Variants in PDE4D observed in about 807,000 individuals in gnomAD.
PDE4D encodes 3',5'-cyclic-AMP phosphodiesterase 4D.
A neutral mutation model predicts 87.4 loss-of-function variants in PDE4D; 24 were observed. The observed-to-expected ratio is 0.27, with a 90% confidence interval of 0.20 to 0.39. PDE4D has a LOEUF of 0.39. Ranked by LOEUF, PDE4D falls within the 10% of genes least tolerant of loss-of-function variation. The pLI, the probability that PDE4D is intolerant of heterozygous loss-of-function variation, is 1.00. For missense variants in PDE4D, 714 were observed against 1,041.0 expected (o/e 0.69, Z 4.32); for synonymous variants, 384 against 383.2 (o/e 1.00, Z -0.02).
At chr5:59,550,005 G>A (rs1285441544) in intron 1 of PDE4D, among the ~76,000 whole-genome samples, 1 of 151,494 alleles carries the variant, frequency 6.6e-6, no homozygotes, top group Non-Finnish European at 1.5e-5. Context: ...TGTCACAGAG[G>A]TCTCTTTGCT....
chr5:59,441,147 TG>T (rs1316489175), intron 1 of PDE4D, among the ~76,000 whole-genome samples: 1 of 152,180 alleles, frequency 6.6e-6, no homozygotes, highest in Admixed American at 6.5e-5. Flanking sequence ...CAGGCAGAAG[TG>T]CAGTAGTGTG....
chr5:59,930,013 T>C (rs1755716890), intron 3 of PDE4D, among the ~76,000 whole-genome samples: 1 of 152,050 alleles, frequency 6.6e-6, no homozygotes, highest in Non-Finnish European at 1.5e-5. Flanking sequence ...TACCTGTTAG[T>C]GGATTAAAAA....
chr5:60,407,540 G>A (rs190051266), intron 1 of PDE4D, among the ~76,000 whole-genome samples: 3 of 123,074 alleles, frequency 2.4e-5, no homozygotes, highest in African/African-American at 9.5e-5. Flanking sequence ...TGCAACCTTC[G>A]CCTCCCAGGT....
intron 1 of PDE4D, among the ~76,000 whole-genome samples, chr5:60,278,638 C>T (rs1751596310): frequency 6.6e-6 from 1 of 151,718 alleles, no homozygotes; most frequent in African/African-American, 2.4e-5. Context: ...TTTCTGTCTT[C>T]CATTTTATTA....
At chr5:59,623,439 G>T (rs1255082000) in intron 1 of PDE4D, among the ~76,000 whole-genome samples, 1 of 152,124 alleles carries the variant, frequency 6.6e-6, no homozygotes, top group Non-Finnish European at 1.5e-5. Context: ...CTTCACTTTA[G>T]AAAGACAAAG....
chr5:60,305,208 T>A (rs1754380121), intron 1 of PDE4D, among the ~76,000 whole-genome samples: 1 of 151,798 alleles, frequency 6.6e-6, no homozygotes, highest in Non-Finnish European at 1.5e-5. Flanking sequence ...TTGGCCTTTA[T>A]GAAAAGAAAA....
intron 5 of PDE4D, among the ~76,000 whole-genome samples, chr5:59,171,714 C>G (rs1006893682): frequency 6.7e-6 from 1 of 148,914 alleles, no homozygotes; most frequent in Admixed American, 6.9e-5. Flanking sequence ...GCATTATGTT[C>G]TTCAAATTTA....
intron 1 of PDE4D, among the ~76,000 whole-genome samples, chr5:59,664,943 C>G (rs1170654978): frequency 6.6e-6 from 1 of 152,118 alleles, no homozygotes; most frequent in Non-Finnish European, 1.5e-5. Flanking sequence ...AAGAATGTTA[C>G]TAACACCCAA....
At chr5:60,319,170 G>A (rs2149834774) in intron 1 of PDE4D, among the ~76,000 whole-genome samples, 1 of 152,246 alleles carries the variant, frequency 6.6e-6, no homozygotes. Flanking sequence ...ACTTCTTGGA[G>A]GCTTTGTTTG....
chr5:59,476,753 C>G (rs192973556), intron 1 of PDE4D, among the ~76,000 whole-genome samples: 1 of 152,178 alleles, frequency 6.6e-6, no homozygotes, highest in Admixed American at 6.6e-5. Flanking sequence ...CATCTCCTCC[C>G]ATCCCTATAA....
At position 60,045,413 on chromosome 5, in the gene PDE4D, T is replaced by C. The variant is rs1769096063; in HGVS notation, c.43-56696A>G. Reference sequence around the variant, plus strand: ...TGGCTTTGGTTGCCATGGCTTTTGGTGTTTTAGACATGAAGTCCTTGCCCA... The same window carrying C: ...TGGCTTTGGTTGCCATGGCTTTTGGCGTTTTAGACATGAAGTCCTTGCCCA... On this transcript the variant is annotated intron_variant, in intron 2 of 16. Transcript: ENST00000502484. Among the ~76,000 whole-genome samples the C allele has an allele frequency of 4.6e-5, 7 of 152,314 alleles. 1 individual carries two copies. In the South Asian group the frequency reaches 1.5e-3, roughly 32 times the overall value.
intron 1 of PDE4D, among the ~76,000 whole-genome samples, chr5:60,425,889 T>G (rs1408084758): frequency 1.3e-5 from 2 of 152,128 alleles, no homozygotes; most frequent in African/African-American, 2.4e-5. Context: ...GAACAGACAC[T>G]TCTCAAAAGA....
At chr5:59,635,316 G>C (rs1420349710) in intron 1 of PDE4D, among the ~76,000 whole-genome samples, 1 of 152,132 alleles carries the variant, frequency 6.6e-6, no homozygotes, top group Non-Finnish European at 1.5e-5. Flanking sequence ...GGTACAAAGA[G>C]GAGCTGGTAC....
Position 58,975,896 on chromosome 5 carries a change from A to AAT in PDE4D, c.1831-58_1831-57insAT. ...CCTGTTCCTTTTTTTTAAAAAAAAA[A>AAT]ACAAAAAAAACTAGAAATTCACATT... is the stretch of plus-strand genomic sequence containing the variant. On this transcript the variant is annotated intron_variant, in intron 13 of 14. Transcript: ENST00000340635. The surrounding 1 kb of genome is among the most constrained non-coding windows in gnomAD (Gnocchi z 4.2). 1 of 1,257,744 alleles carries AAT rather than the reference A, an allele frequency of 8.0e-7. No homozygotes were observed. The highest frequency in any genetic ancestry group is 1.1e-6 in the Non-Finnish European group (1 of 948,602). The allele number at this position is 1,257,744 out of a possible 1,614,324, so 77.9% of individuals were successfully genotyped here.
intron 6 of PDE4D, among the ~76,000 whole-genome samples, chr5:59,026,366 A>G (rs114047127): frequency 6.6e-6 from 1 of 152,228 alleles, no homozygotes; most frequent in African/African-American, 2.4e-5. Context: ...TGAAAGGCAC[A>G]AAGTAGAATG....
intron 1 of PDE4D, among the ~76,000 whole-genome samples, chr5:60,249,154 A>G (rs1226133793): frequency 2.0e-5 from 3 of 151,880 alleles, no homozygotes; most frequent in Admixed American, 2.0e-4. Context: ...AGATATTGCA[A>G]CTCCCCAAAG....
intron 5 of PDE4D, among the ~76,000 whole-genome samples, chr5:59,097,805 T>C (rs1345456397): frequency 6.6e-6 from 1 of 152,162 alleles, no homozygotes; most frequent in Non-Finnish European, 1.5e-5. Flanking sequence ...GAAGGTCAAT[T>C]ACAAGCCTTG....
At chr5:59,490,960 A>G (rs1304844033) in intron 1 of PDE4D, among the ~76,000 whole-genome samples, 10 of 152,254 alleles carry the variant, frequency 6.6e-5, no homozygotes, top group African/African-American at 1.9e-4. Flanking sequence ...ATAGACGATC[A>G]AATCTTAGCC....
chr5:60,113,156 T>C (rs1434696773), intron 2 of PDE4D, among the ~76,000 whole-genome samples: 2 of 152,146 alleles, frequency 1.3e-5, no homozygotes, highest in East Asian at 1.9e-4. Flanking sequence ...CATTAAATAA[T>C]GTAACTCTGT....
Sources: gnomAD v4.1 joint callset for allele counts (sites outside exome capture counted in the v4.1 genomes callset) on GRCh38, gnomAD v4.1.1 for gene constraint, Gnocchi (gnomAD v3.1) non-coding constraint, MANE v1.5 for transcripts, NCBI Gene and HGNC (gene_info 2026-07-23, HGNC 2026-07-21) for gene names.